The following GFPT2 variants were observed in gnomAD, a reference collection of about 807,000 sequenced individuals.
GFPT2 encodes glutamine--fructose-6-phosphate transaminase 2.
A neutral mutation model predicts 85.6 loss-of-function variants in GFPT2; 62 were observed. The ratio of observed to expected loss-of-function variants is 0.72; its 90% CI spans 0.59 to 0.90. The LOEUF (loss-of-function observed/expected upper bound fraction) is 0.90, where lower values mean the gene tolerates loss of function less well. GFPT2 is among the 40% of genes least tolerant of loss of function. The pLI is 0.00. For missense variants in GFPT2, 788 were observed against 893.4 expected (o/e 0.88, Z 1.50); for synonymous variants, 368 against 344.5 (o/e 1.07, Z -0.75).
chr5:180,308,213 A>G (rs11249698), intron 15 of GFPT2, among the ~76,000 whole-genome samples: 32,112 of 151,468 alleles, frequency 0.21, 3,569 homozygotes, highest in East Asian at 0.39. Flanking sequence ...CTGAGATGGC[A>G]CCACGGCACT....
chr5:180,336,406 C>T (rs1038879498), intron 3 of GFPT2, 73 bp downstream of exon 3: 8 of 835,438 alleles, frequency 9.6e-6, no homozygotes, highest in African/African-American at 5.0e-5. Context: ...CATTCTCCGG[C>T]GCTGTTGGAA....
At chr5:180,317,209 G>A (rs1764027805) in intron 10 of GFPT2, 151 bp from the exon 11 acceptor site, 4 of 661,250 alleles carry the variant, frequency 6.0e-6, no homozygotes, top group Middle Eastern at 2.7e-4. Flanking sequence ...ACCATCAGAG[G>A]GAAGCAGGTC....
chr5:180,336,235 A>G lies in GFPT2; in HGVS notation c.214+244T>C, dbSNP rs548332031. 76 of 580,306 alleles carry G rather than the reference A, an allele frequency of 1.3e-4. 1 individual carries two copies. Among genetic ancestry groups the G allele is most frequent in the Admixed American group, 2.2e-4 (7 of 31,348 alleles). The allele number at this position is 580,306 out of a possible 1,614,324, so 35.9% of individuals were successfully genotyped here. ...CAGAGAAGCAGTATCATTTGCTGGAATAATTAAAATAACTACTGTATGTAA... is the reference window on the plus strand; with the variant it reads ...CAGAGAAGCAGTATCATTTGCTGGAGTAATTAAAATAACTACTGTATGTAA... On this transcript the variant is annotated intron_variant, in intron 3 of 18. Transcript: ENST00000253778.
intron 9 of GFPT2, among the ~76,000 whole-genome samples, chr5:180,321,092 T>C (rs563432879): frequency 6.6e-6 from 1 of 152,374 alleles, no homozygotes; most frequent in South Asian, 2.1e-4. Context: ...TACAAATAAC[T>C]TCGTATGCTT....
intron 1 of GFPT2, among the ~76,000 whole-genome samples, chr5:180,351,098 T>A (rs1078646): frequency 0.22 from 33,724 of 152,192 alleles, 3,839 homozygotes; most frequent in Middle Eastern, 0.31. Context: ...TTCTGCAGAA[T>A]TTGATTAAAT....
In GFPT2 at chr5:180,324,225, C is replaced by T. The variant is rs762591240; in HGVS notation, c.757G>A (p.Asp253Asn). Reference protein sequence around the residue: ...DSSACLHAVGDKAVEFFFASD... With the variant: ...DSSACLHAVGNKAVEFFFASD... ...GCAAAGAAGAATTCCACGGCCTTGT[C>T]GCCCACAGCATGCAGGCAGGCGGAG... Residue 253 changes from aspartate (D) to asparagine (N), a missense_variant, in exon 9 of 19, where the codon GAC becomes AAC. Asp to Asn is a conservative substitution (Grantham distance 23, BLOSUM62 1). Coordinates refer to ENST00000253778, the MANE Select transcript of GFPT2 (RefSeq NM_005110.4). 4.3e-6 allele frequency: 7 copies of T among 1,610,656 alleles called. No homozygotes were observed. In the Admixed American group the frequency reaches 6.7e-5, roughly 15 times the overall value.
At chr5:180,340,773 C>A (rs1764500229) in intron 1 of GFPT2, among the ~76,000 whole-genome samples, 1 of 152,132 alleles carries the variant, frequency 6.6e-6, no homozygotes, top group Non-Finnish European at 1.5e-5. Flanking sequence ...CTCCGCCTCC[C>A]AAAGTGCTGG....
rs734090 is a variant in GFPT2 at position 180,350,869 on chromosome 5, T to C, written c.7+2342A>G. ...ACAGCAAGACATAATCTCAGCAGTG[T>C]CATCAGCCAAGTGATAAGGAAGGGC... On this transcript the variant is annotated intron_variant, in intron 1 of 18. Transcript: ENST00000253778. 4.0e-3 allele frequency among the ~76,000 whole-genome samples: 610 copies of C among 152,300 alleles called. 25 individuals carry two copies. In the South Asian group the frequency reaches 0.096, roughly 24 times the overall value.
intron 15 of GFPT2, among the ~76,000 whole-genome samples, chr5:180,311,382 C>T (rs148300808): frequency 2.0e-5 from 3 of 152,336 alleles, no homozygotes; most frequent in African/African-American, 7.2e-5. Context: ...GGCACTGGTT[C>T]TTAATATATG....
In GFPT2 at chr5:180,331,032, C is replaced by T. The variant is rs578206194; in HGVS notation, c.400-198G>A. The T allele has an allele frequency of 3.5e-5, 20 of 577,274 alleles. No homozygotes were observed. In the East Asian group the frequency reaches 5.2e-4, roughly 15 times the overall value. The allele number at this position is 577,274 out of a possible 1,614,324, so 35.8% of individuals were successfully genotyped here. A position where few individuals can be genotyped will look rare whatever the true frequency, so the allele number is the denominator to read the frequency against. Reference sequence around the variant, plus strand: ...ACTCCCGGAGGCCCTGAGATCATCCCACCTCAGAAGCTCACCCTTGCCACT... The same window carrying T: ...ACTCCCGGAGGCCCTGAGATCATCCTACCTCAGAAGCTCACCCTTGCCACT... On this transcript the variant is annotated intron_variant, in intron 5 of 18. Coordinates refer to ENST00000253778, the MANE Select transcript of GFPT2 (RefSeq NM_005110.4).
intron 5 of GFPT2, 179 bp downstream of exon 5, chr5:180,331,316 C>T (rs1764295661): frequency 1.7e-5 from 10 of 600,704 alleles, no homozygotes; most frequent in East Asian, 2.8e-5. Context: ...TCTCCTCAAA[C>T]GAGATCTGCA....
rs537745770 is a variant in GFPT2 at position 180,348,489 on chromosome 5, G to T, written c.7+4722C>A. Among the ~76,000 whole-genome samples, 8 of 152,218 alleles carry T rather than the reference G, an allele frequency of 5.3e-5. No homozygotes were observed. The South Asian group carries it at 8.3e-4, about 16-fold the overall frequency. The stretch of plus-strand genomic sequence containing the variant: ...AAACAAGATCAAAGCTGGAGGTGCC[G>T]CGGATGCATGTGATCCCACGCCAGG... On this transcript the variant is annotated intron_variant, in intron 1 of 18. Transcript: ENST00000253778.
chr5:180,341,576 T>C (rs966500696), intron 1 of GFPT2, among the ~76,000 whole-genome samples: 3 of 152,254 alleles, frequency 2.0e-5, no homozygotes, highest in Admixed American at 6.5e-5. Context: ...ACACAGGATA[T>C]GTTTGCACAT....
intron 16 of GFPT2, among the ~76,000 whole-genome samples, chr5:180,306,533 C>G (rs1763781495): frequency 6.6e-6 from 1 of 152,252 alleles, no homozygotes; most frequent in African/African-American, 2.4e-5. Context: ...GGCACCCTGT[C>G]CCTGCCCCAT....
intron 16 of GFPT2, among the ~76,000 whole-genome samples, chr5:180,305,988 T>C (rs1399673082): frequency 2.0e-5 from 3 of 151,184 alleles, no homozygotes; most frequent in African/African-American, 7.3e-5. Context: ...TCTTTCTTTT[T>C]TTTTTTTTTC....
At chr5:180,352,319 G>A in intron 1 of GFPT2, 1 of 409,310 alleles carries the variant, frequency 2.4e-6, no homozygotes, top group Non-Finnish European at 4.7e-6. Context: ...GCTGGAATGG[G>A]TAACCGAATC....
Position 180,353,300 on chromosome 5 carries a change from G to T in GFPT2, c.-83C>A. 10 of 268,796 alleles carry T rather than the reference G, an allele frequency of 3.7e-5. No homozygotes were observed. The highest frequency in any genetic ancestry group is 5.0e-5 in the Non-Finnish European group (10 of 200,978). 16.7% of individuals were successfully genotyped at this position (268,796 alleles called of 1,614,324 possible). A position where few individuals can be genotyped will look rare whatever the true frequency, so the allele number is the denominator to read the frequency against. On this transcript the variant is annotated 5_prime_UTR_variant, in exon 1 of 19. Transcript: ENST00000253778. ...GGGCTCCTCCGTGGGCTCCTCCGTG[G>T]GCTCCGTGGGCTCCGTGGGCTCCGC...
chr5:180,336,015 G>A (rs990758668), intron 3 of GFPT2, 62 bp from the exon 4 acceptor site: 8 of 1,473,412 alleles, frequency 5.4e-6, no homozygotes, highest in Non-Finnish European at 7.2e-6. Context: ...AGGACTGTGA[G>A]TGCAACCTGG....
chr5:180,302,426 A>C lies in GFPT2; in HGVS notation c.2001T>G (p.Tyr667Ter), dbSNP rs775243596. ...TAGGTGCAGTTTTTAGACGCACGTC[A>C]TATCCTCGGAGAACAGCCAGGTGGA... ...LSFHLAVLRG[Y>*]DVDFPRNLAK... is the part of the protein sequence containing the mutation. The change falls in exon 18 of 19, where the codon TAT becomes TAG. Residue 667 changes from tyrosine (Y) to a stop codon, truncating the protein, a stop_gained. Transcript: ENST00000253778. LOFTEE classifies it high-confidence loss of function. The C allele has an allele frequency of 1.9e-6, 3 of 1,613,188 alleles. No individual in the cohort carries two copies. The highest frequency in any genetic ancestry group is 1.1e-5 in the South Asian group (1 of 91,044).
Sources: gnomAD v4.1 joint callset for allele counts (sites outside exome capture counted in the v4.1 genomes callset) on GRCh38, gnomAD v4.1.1 for gene constraint, MANE v1.5 for transcripts, NCBI Gene and HGNC (gene_info 2026-07-23, HGNC 2026-07-21) for gene names.